Variants in PTPRD observed in about 807,000 individuals in gnomAD.
The protein encoded by PTPRD is receptor-type tyrosine-protein phosphatase delta.
Under a neutral mutation model 214.5 loss-of-function variants are expected in PTPRD, and 34 were observed. That is an observed-to-expected ratio of 0.16 (90% CI 0.12 to 0.21). The LOEUF (loss-of-function observed/expected upper bound fraction) is 0.21. Ranked by LOEUF, PTPRD falls within the 10% of genes least tolerant of loss-of-function variation. The probability of loss-of-function intolerance (pLI) is 1.00; values close to 1 mark genes in which losing one functional copy is unlikely to be tolerated. For missense variants in PTPRD, 2,545 were observed against 2,398.7 expected (o/e 1.06, Z -1.27); for synonymous variants, 1,128 against 845.7 (o/e 1.33, Z -5.79).
At chr9:9,539,383 C>T (rs1250925311) in intron 8 of PTPRD, among the ~76,000 whole-genome samples, 1 of 151,776 alleles carries the variant, frequency 6.6e-6, no homozygotes, top group Admixed American at 6.6e-5. Context: ...ATATGGGAGG[C>T]TTCTGTTGAA....
At chr9:9,980,618 C>CAAA (rs1202080056) in intron 4 of PTPRD, among the ~76,000 whole-genome samples, 7 of 23,250 alleles carry the variant, frequency 3.0e-4, no homozygotes, top group Non-Finnish European at 5.6e-4. Context: ...CAAAAAAAAA[C>CAAA]AAAAAAAAAA....
chr9:9,925,807 A>G (rs1008174894), intron 5 of PTPRD, among the ~76,000 whole-genome samples: 3 of 152,004 alleles, frequency 2.0e-5, no homozygotes, highest in African/African-American at 7.2e-5. Context: ...AAGAATCTCA[A>G]ATCTATATAC....
At chr9:10,267,176 G>C (rs578081014) in intron 3 of PTPRD, among the ~76,000 whole-genome samples, 2 of 142,874 alleles carry the variant, frequency 1.4e-5, no homozygotes, top group East Asian at 4.1e-4. Context: ...GGGCGACAGA[G>C]TGAGACTCCG....
chr9:8,538,358 A>C (rs897150957), intron 14 of PTPRD, among the ~76,000 whole-genome samples: 2 of 151,878 alleles, frequency 1.3e-5, no homozygotes, highest in Non-Finnish European at 2.9e-5. Context: ...AATAGTAAAC[A>C]AGGAAAGAGA....
intron 9 of PTPRD, among the ~76,000 whole-genome samples, chr9:9,234,072 G>C (rs2099964939): frequency 6.6e-6 from 1 of 152,190 alleles, no homozygotes; most frequent in African/African-American, 2.4e-5. Context: ...TGCCCTAGCA[G>C]AGGTTCTCCA....
chr9:10,449,931 A>G (rs376468095), intron 2 of PTPRD, among the ~76,000 whole-genome samples: 1 of 151,714 alleles, frequency 6.6e-6, no homozygotes, highest in Non-Finnish European at 1.5e-5. Context: ...CTGTTAATCT[A>G]TAACCTTACC....
At chr9:9,694,264 A>G (rs1454221303) in intron 7 of PTPRD, among the ~76,000 whole-genome samples, 1 of 150,730 alleles carries the variant, frequency 6.6e-6, no homozygotes, top group Non-Finnish European at 1.5e-5. Flanking sequence ...AGGTATGCAA[A>G]GGGTCTTGAA....
At chr9:9,380,662 T>G (rs2140287631) in intron 9 of PTPRD, among the ~76,000 whole-genome samples, 2 of 152,292 alleles carry the variant, frequency 1.3e-5, no homozygotes, top group South Asian at 4.1e-4. Flanking sequence ...TTTGCCATTG[T>G]TGGATGAAGT....
chr9:9,873,096 C>T (rs2065914239), intron 5 of PTPRD, among the ~76,000 whole-genome samples: 1 of 151,856 alleles, frequency 6.6e-6, no homozygotes, highest in Admixed American at 6.6e-5. Flanking sequence ...ATGATTATTC[C>T]ATGAAGTCAG....
At chr9:9,082,310 A>C (rs530484731) in intron 10 of PTPRD, among the ~76,000 whole-genome samples, 1 of 152,320 alleles carries the variant, frequency 6.6e-6, no homozygotes, top group African/African-American at 2.4e-5. Context: ...AACATATGCC[A>C]ATCAATAGAC....
At chr9:10,350,746 A>T (rs1047335707) in intron 2 of PTPRD, among the ~76,000 whole-genome samples, 2 of 152,162 alleles carry the variant, frequency 1.3e-5, no homozygotes, top group Non-Finnish European at 2.9e-5. Context: ...TTAGGATTAA[A>T]TTCATCCATG....
rs138683813 is a variant in PTPRD at position 10,327,923 on chromosome 9, G to A, written c.-545+13040C>T. ...AAAGAACAAGATTTGGGTCCTTGCA[G>A]CTGTACATTGCAGTAACAATTTCTG... On this transcript the variant is annotated intron_variant, in intron 3 of 45. Coordinates refer to ENST00000381196, the MANE Select transcript of PTPRD (RefSeq NM_002839.4). 7.2e-3 allele frequency among the ~76,000 whole-genome samples: 1,099 copies of A among 151,806 alleles called. 16 individuals carry two copies. Among genetic ancestry groups the A allele is most frequent in the African/African-American group, 0.022 (930 of 41,490 alleles).
At chr9:10,253,774 T>A (rs1441137016) in intron 3 of PTPRD, among the ~76,000 whole-genome samples, 2 of 152,184 alleles carry the variant, frequency 1.3e-5, no homozygotes, top group Non-Finnish European at 2.9e-5. Flanking sequence ...GCTATATGTA[T>A]ATTGCAATAG....
chr9:8,336,075 C>CA (rs1278469473), intron 43 of PTPRD, among the ~76,000 whole-genome samples: 3 of 150,930 alleles, frequency 2.0e-5, no homozygotes, highest in Non-Finnish European at 4.4e-5. Context: ...ATCAAGCTAC[C>CA]AATGACTTTC....
At chr9:10,602,724 T>A (rs1221697202) in intron 2 of PTPRD, among the ~76,000 whole-genome samples, 1 of 151,862 alleles carries the variant, frequency 6.6e-6, no homozygotes, top group African/African-American at 2.4e-5. Flanking sequence ...AAAATGACTC[T>A]TAGAAGGCCA....
chr9:9,149,093 G>A (rs923327989), intron 10 of PTPRD, among the ~76,000 whole-genome samples: 8 of 152,152 alleles, frequency 5.3e-5, no homozygotes, highest in African/African-American at 1.4e-4. Flanking sequence ...TTCAGCTTCC[G>A]CAGTCTGACT....
At chr9:8,681,656 T>C (rs2097551422) in intron 12 of PTPRD, among the ~76,000 whole-genome samples, 1 of 152,224 alleles carries the variant, frequency 6.6e-6, no homozygotes, top group South Asian at 2.1e-4. Context: ...CCGCCAGCCC[T>C]GAACGATGTG....
At chr9:10,084,415 C>G (rs1440369065) in intron 3 of PTPRD, among the ~76,000 whole-genome samples, 1 of 151,814 alleles carries the variant, frequency 6.6e-6, no homozygotes. Flanking sequence ...GGAATCTATA[C>G]TATGAATAAA....
intron 9 of PTPRD, among the ~76,000 whole-genome samples, chr9:9,197,382 A>G (rs2099939212): frequency 6.6e-6 from 1 of 151,902 alleles, no homozygotes; most frequent in Admixed American, 6.6e-5. Flanking sequence ...GTGCACTGAC[A>G]CTCTAACACA....
Sources: gnomAD v4.1 joint callset for allele counts (sites outside exome capture counted in the v4.1 genomes callset) on GRCh38, gnomAD v4.1.1 for gene constraint, MANE v1.5 for transcripts, NCBI Gene and HGNC (gene_info 2026-07-23, HGNC 2026-07-21) for gene names.